Variants in LITAF observed in about 807,000 individuals in gnomAD.
The protein encoded by LITAF is lipopolysaccharide induced TNF factor, also known as lipopolysaccharide-induced tumor necrosis factor-alpha factor.
A neutral mutation model predicts 14.5 loss-of-function variants in LITAF; 9 were observed. That is an observed-to-expected ratio of 0.62 (90% CI 0.37 to 1.08). The LOEUF (loss-of-function observed/expected upper bound fraction) is 1.08, where lower values mean the gene tolerates loss of function less well. LITAF is among the 50% of genes least tolerant of loss of function. The pLI, the probability that LITAF is intolerant of heterozygous loss-of-function variation, is 0.01. For missense variants in LITAF, 206 were observed against 213.4 expected (o/e 0.97, Z 0.22); for synonymous variants, 98 against 88.2 (o/e 1.11, Z -0.62).
chr16:11,553,400 G>T lies in LITAF; in HGVS notation c.377+133C>A. On this transcript the variant is annotated intron_variant, in intron 3 of 3. Coordinates refer to ENST00000622633, the MANE Select transcript of LITAF (RefSeq NM_001136472.2). This position sits in a 1 kb window ranked among gnomAD's most constrained non-coding sequence, Gnocchi z 7.7. ...TACTCCAGCCTGGGCGACAGAACCAGATTCCATCTCAAAAAAAAACAACAC... is the reference window on the plus strand; with the variant it reads ...TACTCCAGCCTGGGCGACAGAACCATATTCCATCTCAAAAAAAAACAACAC... 9.9e-7 allele frequency: 1 copy of T among 1,009,528 alleles called. No individual in the cohort carries two copies. The highest frequency in any genetic ancestry group is 1.5e-6 in the Non-Finnish European group (1 of 673,200). 62.5% of individuals were successfully genotyped at this position (1,009,528 alleles called of 1,614,324 possible).
At chr16:11,564,146 G>C (rs2064415541) in intron 1 of LITAF, among the ~76,000 whole-genome samples, 1 of 152,056 alleles carries the variant, frequency 6.6e-6, no homozygotes, top group Non-Finnish European at 1.5e-5. Context: ...CTGACCTCAA[G>C]TGATCCACTC....
intron 1 of LITAF, among the ~76,000 whole-genome samples, chr16:11,598,181 A>G (rs1448274373): frequency 6.6e-6 from 1 of 151,922 alleles, no homozygotes; most frequent in Non-Finnish European, 1.5e-5. Flanking sequence ...TACAGGCATG[A>G]GCCTCTGTGC....
At chr16:11,552,646 A>T (rs1041268531) in intron 3 of LITAF, among the ~76,000 whole-genome samples, 24 of 152,282 alleles carry the variant, frequency 1.6e-4, no homozygotes, top group African/African-American at 5.5e-4. Flanking sequence ...AGAAGAAAAG[A>T]CGGAAGACCA....
chr16:11,631,402 G>T (rs1307584569), intron 3 of LITAF, among the ~76,000 whole-genome samples: 5 of 151,982 alleles, frequency 3.3e-5, no homozygotes, highest in Non-Finnish European at 7.4e-5. Flanking sequence ...ATGGCTTTTT[G>T]TTGTTGTTGT....
intron 3 of LITAF, among the ~76,000 whole-genome samples, chr16:11,628,762 C>T (rs963124445): frequency 6.6e-6 from 1 of 152,114 alleles, no homozygotes; most frequent in Non-Finnish European, 1.5e-5. Context: ...CTGCAACCTC[C>T]ATCTCCCGGG....
At chr16:11,616,557 C>T (rs1234696003) in intron 3 of LITAF, among the ~76,000 whole-genome samples, 2 of 151,794 alleles carry the variant, frequency 1.3e-5, no homozygotes, top group Admixed American at 6.6e-5. Context: ...CTCATCTTTG[C>T]CACTCAGGAA....
chr16:11,564,171 A>G (rs892323143), intron 1 of LITAF, among the ~76,000 whole-genome samples: 4 of 151,970 alleles, frequency 2.6e-5, no homozygotes, highest in African/African-American at 9.7e-5. Flanking sequence ...CAGCCTCCCA[A>G]AATGCTATGG....
At chr16:11,637,840 C>G (rs866879799), upstream of LITAF, among the ~76,000 whole-genome samples, 2 of 143,670 alleles carry the variant, frequency 1.4e-5, no homozygotes, top group Non-Finnish European at 3.0e-5. Flanking sequence ...ATGATTGTGC[C>G]ACTGCATGCT....
chr16:11,562,075 T>C (rs1181381694), intron 1 of LITAF, among the ~76,000 whole-genome samples: 2 of 151,786 alleles, frequency 1.3e-5, no homozygotes, highest in Admixed American at 1.3e-4. Context: ...TGTGTCACCA[T>C]ACCTGGCTAT....
At position 11,549,255 on chromosome 16, in the gene LITAF, G is replaced by A. The variant is rs1477291587; in HGVS notation, c.*382C>T. ...ACAGCCTCAAAAATAAGGCAACTGTGGCTTCTCAGTTTGAGACTGCCACCA... is the reference window on the plus strand; with the variant it reads ...ACAGCCTCAAAAATAAGGCAACTGTAGCTTCTCAGTTTGAGACTGCCACCA... On this transcript the variant is annotated 3_prime_UTR_variant, in exon 4 of 4. Transcript: ENST00000622633. The surrounding 1 kb of genome is among the most constrained non-coding windows in gnomAD (Gnocchi z 4.6). 2.3e-6 allele frequency: 1 copy of A among 436,538 alleles called. No individual in the cohort carries two copies. The highest frequency in any genetic ancestry group is 4.6e-6 in the Non-Finnish European group (1 of 218,164). 27.0% of individuals were successfully genotyped at this position (436,538 alleles called of 1,614,324 possible).
At chr16:11,597,585 G>A (rs1056100794) in intron 1 of LITAF, among the ~76,000 whole-genome samples, 1 of 152,186 alleles carries the variant, frequency 6.6e-6, no homozygotes. Context: ...CAAGCTGTCT[G>A]GCTCTACGTC....
At chr16:11,595,619 C>T (rs1436984859) in intron 1 of LITAF, among the ~76,000 whole-genome samples, 2 of 152,144 alleles carry the variant, frequency 1.3e-5, no homozygotes, top group African/African-American at 4.8e-5. Flanking sequence ...GTCCCAGCTA[C>T]TTGGGAGGCT....
chr16:11,601,096 A>G (rs547982877), upstream of LITAF, among the ~76,000 whole-genome samples: 1 of 152,088 alleles, frequency 6.6e-6, no homozygotes, highest in Non-Finnish European at 1.5e-5. Context: ...TGGAATGGGG[A>G]GAATCCTGAT....
chr16:11,562,796 C>G (rs1477758561), intron 1 of LITAF, among the ~76,000 whole-genome samples: 1 of 151,938 alleles, frequency 6.6e-6, no homozygotes, highest in Non-Finnish European at 1.5e-5. Context: ...GCTCTGGAGG[C>G]TAAGGTAGGA....
chr16:11,567,346 G>A (rs2064467003), intron 1 of LITAF, among the ~76,000 whole-genome samples: 1 of 151,972 alleles, frequency 6.6e-6, no homozygotes, highest in Non-Finnish European at 1.5e-5. Context: ...CTTGAGCCCA[G>A]GAGATGGAGA....
chr16:11,613,263 C>A (rs566916248), intron 3 of LITAF, among the ~76,000 whole-genome samples: 1 of 152,140 alleles, frequency 6.6e-6, no homozygotes, highest in Non-Finnish European at 1.5e-5. Context: ...TGGTCTCGAA[C>A]GCCTGACCTC....
intron 1 of LITAF, among the ~76,000 whole-genome samples, chr16:11,576,611 G>C (rs2064640747): frequency 6.7e-6 from 1 of 148,322 alleles, no homozygotes; most frequent in Non-Finnish European, 1.5e-5. Flanking sequence ...GTCCACATCT[G>C]TGGTTCTACA....
At chr16:11,585,931 C>T (rs1303239682) in intron 1 of LITAF, among the ~76,000 whole-genome samples, 1 of 152,216 alleles carries the variant, frequency 6.6e-6, no homozygotes, top group Non-Finnish European at 1.5e-5. Flanking sequence ...GTCCAACTAG[C>T]CTGGTCCCTG....
chr16:11,584,848 G>T (rs937634280), intron 1 of LITAF, among the ~76,000 whole-genome samples: 1 of 152,096 alleles, frequency 6.6e-6, no homozygotes, highest in African/African-American at 2.4e-5. Flanking sequence ...TAAAAGGAAC[G>T]GAAGTAACAA....
Sources: gnomAD v4.1 joint callset for allele counts (sites outside exome capture counted in the v4.1 genomes callset) on GRCh38, gnomAD v4.1.1 for gene constraint, Gnocchi (gnomAD v3.1) non-coding constraint, MANE v1.5 for transcripts, NCBI Gene and HGNC (gene_info 2026-07-23, HGNC 2026-07-21) for gene names.